AKR1E2: variants seen among roughly 807,000 people sequenced by gnomAD.
The protein encoded by AKR1E2 is aldo-keto reductase family 1 member E2, also known as 1,5-anhydro-D-fructose reductase.
AKR1E2 carries 43 observed loss-of-function variants against 41.9 expected under a neutral mutation model. The ratio of observed to expected loss-of-function variants is 1.03; its 90% CI spans 0.80 to 1.32. AKR1E2 has a LOEUF of 1.32. Among genes scored for constraint, AKR1E2 ranks in the 40% most tolerant of loss-of-function variants. AKR1E2 has a pLI of 0.00. For synonymous variants in AKR1E2, 121 were observed against 138.9 expected, an observed-to-expected ratio of 0.87 and a Z score of 0.91; for missense variants, 423 against 396.5, an observed-to-expected ratio of 1.07 and a Z score of -0.57.
chr10:4,835,068 GGT>G (rs1833293592), intron 3 of AKR1E2, among the ~76,000 whole-genome samples: 1 of 152,216 alleles, frequency 6.6e-6, no homozygotes, highest in Non-Finnish European at 1.5e-5. Flanking sequence ...AGTGTGATTA[GGT>G]GTCATTAAAT....
At chr10:4,829,079 T>C (rs1349671670) in intron 1 of AKR1E2, among the ~76,000 whole-genome samples, 1 of 152,186 alleles carries the variant, frequency 6.6e-6, no homozygotes, top group Non-Finnish European at 1.5e-5. Flanking sequence ...GGAAAGCACC[T>C]CCAGCACAGT....
downstream of AKR1E2, among the ~76,000 whole-genome samples, chr10:4,852,963 G>A (rs1834559326): frequency 6.6e-6 from 1 of 152,144 alleles, no homozygotes; most frequent in Non-Finnish European, 1.5e-5. Context: ...GATAAAAGAG[G>A]TTGTGGGGCT....
downstream of AKR1E2, chr10:4,848,078 C>CT (rs60725002): frequency 0.046 from 6,025 of 131,444 alleles, 182 homozygotes; most frequent in African/African-American, 0.084. Context: ...ATTTTAATTT[C>CT]TTTTTTTTTT....
At position 4,837,481 on chromosome 10, in the gene AKR1E2, C is replaced by G. The variant is rs1274227176; in HGVS notation, c.482C>G (p.Thr161Ser). The G allele has an allele frequency of 1.2e-6, 2 of 1,613,910 alleles. No homozygotes were observed. The highest frequency in any genetic ancestry group is 3.3e-5 in the Admixed American group (2 of 59,998). Reference sequence around the variant, plus strand: ...TAGGCCATGGAGGACCTGGTGATCACCGGGCTGGTGAAGAACATCGGGGTG... The same window carrying G: ...TAGGCCATGGAGGACCTGGTGATCAGCGGGCTGGTGAAGAACATCGGGGTG... ...TWEAMEDLVITGLVKNIGVSN... is the reference protein window; with the variant it reads ...TWEAMEDLVISGLVKNIGVSN... Residue 161 changes from threonine to serine, a missense_variant, in exon 5 of 10, where the codon ACC (threonine) becomes AGC (serine). By Grantham distance (58) the Thr-to-Ser change is moderately conservative (BLOSUM62 1). Transcript: ENST00000298375.
the AKR1E2 span, among the ~76,000 whole-genome samples, chr10:4,867,413 G>C: frequency 6.6e-6 from 1 of 152,162 alleles, no homozygotes; most frequent in East Asian, 1.9e-4. Flanking sequence ...GGCCCTCCCT[G>C]TCACCATTTT....
chr10:4,836,378 G>C (rs1407543857), intron 4 of AKR1E2, among the ~76,000 whole-genome samples: 1 of 152,132 alleles, frequency 6.6e-6, no homozygotes, highest in Non-Finnish European at 1.5e-5. Flanking sequence ...TAAGGGGGTG[G>C]TGGATTTGAG....
intron 8 of AKR1E2, chr10:4,846,087 T>C (rs2397983): frequency 0.036 from 11,785 of 325,866 alleles, 335 homozygotes; most frequent in East Asian, 0.11. Flanking sequence ...TAGAACTGCT[T>C]GCTGTTCCCC....
upstream of AKR1E2, chr10:4,825,014 C>G (rs1327555466): frequency 4.4e-6 from 2 of 455,872 alleles, no homozygotes; most frequent in Non-Finnish European, 4.4e-6. Context: ...GCACTGCACC[C>G]TGGCCTAACT....
At chr10:4,861,505 G>T in the AKR1E2 span, among the ~76,000 whole-genome samples, 1 of 151,820 alleles carries the variant, frequency 6.6e-6, no homozygotes, top group East Asian at 1.9e-4. Context: ...CAAGCAGCTG[G>T]GATTACAGTT....
intron 8 of AKR1E2, among the ~76,000 whole-genome samples, chr10:4,844,968 G>A (rs183078553): frequency 1.3e-5 from 2 of 152,316 alleles, no homozygotes; most frequent in East Asian, 1.9e-4. Context: ...AGCAGGGGGC[G>A]GTGCTCGTTG....
intron 4 of AKR1E2, among the ~76,000 whole-genome samples, chr10:4,836,990 G>T (rs570970444): frequency 6.6e-6 from 1 of 152,184 alleles, no homozygotes; most frequent in Admixed American, 6.5e-5. Flanking sequence ...AGTGGAGAAG[G>T]TGGGATAGGA....
chr10:4,853,152 T>C, the AKR1E2 span, among the ~76,000 whole-genome samples: 1 of 152,226 alleles, frequency 6.6e-6, no homozygotes, highest in African/African-American at 2.4e-5. Context: ...CAAACTCTCA[T>C]AATATATTCC....
chr10:4,865,862 T>C, the AKR1E2 span, among the ~76,000 whole-genome samples: 4 of 152,226 alleles, frequency 2.6e-5, no homozygotes, highest in East Asian at 5.8e-4. Context: ...TAGAGAGTTA[T>C]GTTGCTAAAG....
downstream of AKR1E2, among the ~76,000 whole-genome samples, chr10:4,848,733 A>G (rs569979736): frequency 1.3e-5 from 2 of 151,918 alleles, no homozygotes; most frequent in Non-Finnish European, 2.9e-5. Context: ...CCTCCACATC[A>G]CTTCCCATTT....
intron 4 of AKR1E2, among the ~76,000 whole-genome samples, chr10:4,836,338 G>T (rs1833415198): frequency 6.6e-6 from 1 of 152,076 alleles, no homozygotes; most frequent in Admixed American, 6.5e-5. Flanking sequence ...TTTACTGCAG[G>T]GGCTTGCAGT....
chr10:4,835,051 G>A (rs1833291723), intron 3 of AKR1E2, among the ~76,000 whole-genome samples: 1 of 152,220 alleles, frequency 6.6e-6, no homozygotes, highest in South Asian at 2.1e-4. Flanking sequence ...TTCCACTGTT[G>A]TTTAGGAGTG....
chr10:4,851,806 G>T (rs1834531911), downstream of AKR1E2, among the ~76,000 whole-genome samples: 1 of 152,212 alleles, frequency 6.6e-6, no homozygotes, highest in Admixed American at 6.5e-5. Context: ...TGGCTTCAGA[G>T]GCTGGGCTTT....
At chr10:4,864,980 C>A in the AKR1E2 span, among the ~76,000 whole-genome samples, 1 of 152,000 alleles carries the variant, frequency 6.6e-6, no homozygotes, top group African/African-American at 2.4e-5. Flanking sequence ...ACCAAAATCC[C>A]AATTTGAATA....
intron 1 of AKR1E2, among the ~76,000 whole-genome samples, chr10:4,828,730 A>G (rs1219096820): frequency 6.6e-6 from 1 of 152,156 alleles, no homozygotes; most frequent in Non-Finnish European, 1.5e-5. Flanking sequence ...ATTGTCCTGA[A>G]TATGGTTCAT....
Sources: allele counts gnomAD v4.1 joint callset (sites outside exome capture counted in the v4.1 genomes callset), GRCh38; gene constraint gnomAD v4.1.1; transcripts MANE v1.5; gene names NCBI Gene and HGNC (gene_info 2026-07-23, HGNC 2026-07-21).